VTI1A: variants seen among roughly 807,000 people sequenced by gnomAD.
The protein encoded by VTI1A is vesicle transport through interaction with t-SNAREs 1A, also known as vesicle transport through interaction with t-SNAREs homolog 1A.
Under a neutral mutation model 34.9 loss-of-function variants are expected in VTI1A, and 22 were observed. The observed-to-expected ratio is 0.63, with a 90% CI of 0.45 to 0.90. The LOEUF is 0.90. VTI1A is among the 40% of genes least tolerant of loss of function. VTI1A has a pLI of 0.00. For synonymous variants in VTI1A, 87 were observed against 97.3 expected (o/e 0.89, Z 0.62); for missense variants, 268 against 275.6 (o/e 0.97, Z 0.20).
intron 3 of VTI1A, among the ~76,000 whole-genome samples, chr10:112,520,482 T>C: frequency 6.6e-6 from 1 of 152,024 alleles, no homozygotes; most frequent in Non-Finnish European, 1.5e-5. Context: ...ACATAATTTC[T>C]GGGATCTCTG....
At chr10:112,697,374 A>ATTTTCTTTTCTTTTC (rs540161393) in intron 7 of VTI1A, among the ~76,000 whole-genome samples, 10 of 120,752 alleles carry the variant, frequency 8.3e-5, no homozygotes, top group African/African-American at 3.0e-4. Flanking sequence ...TGTTCTTGGT[A>ATTTTCTTTTCTTTTC]TTTTCTTTTC....
chr10:112,649,145 G>A (rs924822896), intron 5 of VTI1A, among the ~76,000 whole-genome samples: 7 of 151,978 alleles, frequency 4.6e-5, no homozygotes, highest in East Asian at 1.9e-4. Flanking sequence ...GTCAGGGCAC[G>A]CACAATGAAT....
chr10:112,472,998 G>A (rs906858553), intron 3 of VTI1A, among the ~76,000 whole-genome samples: 12 of 149,236 alleles, frequency 8.0e-5, no homozygotes, highest in African/African-American at 2.9e-4. Flanking sequence ...AAAATCACCA[G>A]TAGCCCTATT....
chr10:112,493,185 C>T (rs1848895833), intron 3 of VTI1A, among the ~76,000 whole-genome samples: 2 of 152,112 alleles, frequency 1.3e-5, no homozygotes, highest in East Asian at 3.8e-4. Flanking sequence ...TCTTGTACCT[C>T]TTTTGTGAAA....
At chr10:112,685,297 C>T (rs1184194560) in intron 7 of VTI1A, among the ~76,000 whole-genome samples, 1 of 152,134 alleles carries the variant, frequency 6.6e-6, no homozygotes, top group Non-Finnish European at 1.5e-5. Context: ...ACCTCTGTAT[C>T]TCTTATGTTT....
chr10:112,750,557 GA>G lies in VTI1A; in HGVS notation c.561-64730del, dbSNP rs1436352323. Reference sequence around the variant, plus strand: ...TGTCTTGTGCAACACTCTAATGGCAGAAAGGGCTTTAGAGTTTCAACTTAAG... The same window carrying G: ...TGTCTTGTGCAACACTCTAATGGCAGAAGGGCTTTAGAGTTTCAACTTAAG... On this transcript the variant is annotated intron_variant, in intron 7 of 7. Coordinates refer to ENST00000393077, the MANE Select transcript of VTI1A (RefSeq NM_145206.4). Among the ~76,000 whole-genome samples, 3 of 152,224 alleles carry G rather than the reference GA, an allele frequency of 2.0e-5. No homozygotes were observed. In the East Asian group the frequency reaches 5.8e-4, roughly 29 times the overall value.
At chr10:112,494,209 TTC>T (rs1267812069) in intron 3 of VTI1A, among the ~76,000 whole-genome samples, 1 of 152,160 alleles carries the variant, frequency 6.6e-6, no homozygotes, top group African/African-American at 2.4e-5. Flanking sequence ...TTCATCTAAG[TTC>T]TCTGATTTAT....
At chr10:112,663,312 G>A (rs180706846) in intron 5 of VTI1A, among the ~76,000 whole-genome samples, 224 of 152,268 alleles carry the variant, frequency 1.5e-3, no homozygotes, top group Non-Finnish European at 2.4e-3. Context: ...ATCGAAGTTG[G>A]TATCAAAGTT....
At chr10:112,776,865 A>G (rs1216915334) in intron 7 of VTI1A, among the ~76,000 whole-genome samples, 1 of 151,884 alleles carries the variant, frequency 6.6e-6, no homozygotes, top group African/African-American at 2.4e-5. Flanking sequence ...TTTAGTATAG[A>G]CGGGGTTTCA....
intron 7 of VTI1A, among the ~76,000 whole-genome samples, chr10:112,803,229 C>T (rs566072478): frequency 6.6e-6 from 1 of 152,192 alleles, no homozygotes; most frequent in South Asian, 2.1e-4. Context: ...CCACCATGCC[C>T]GGCTAATTTT....
chr10:112,450,616 G>A (rs758564527), intron 1 of VTI1A: 1 of 152,160 alleles, frequency 6.6e-6, no homozygotes, highest in African/African-American at 2.4e-5. Flanking sequence ...ATGTATTAAA[G>A]TATTGCTTCC....
rs1017395378 is a variant in VTI1A at position 112,730,119 on chromosome 10, T to C, written c.560+61121T>C. On this transcript the variant is annotated intron_variant, in intron 7 of 7. Coordinates refer to ENST00000393077, the MANE Select transcript of VTI1A (RefSeq NM_145206.4). Reference sequence around the variant, plus strand: ...GCTGGAAAATTATGCTGGCCTTTTGTACAAGTCATGTTAAGCTCCTTCAAA... The same window carrying C: ...GCTGGAAAATTATGCTGGCCTTTTGCACAAGTCATGTTAAGCTCCTTCAAA... Among the ~76,000 whole-genome samples the C allele has an allele frequency of 2.0e-5, 3 of 152,352 alleles. No homozygotes were observed. The East Asian group carries it at 5.8e-4, about 29-fold the overall frequency.
intron 3 of VTI1A, among the ~76,000 whole-genome samples, chr10:112,486,087 A>G (rs1848615625): frequency 1.3e-5 from 2 of 152,192 alleles, no homozygotes; most frequent in South Asian, 2.1e-4. Context: ...CACATATTTT[A>G]TGTTAAAACA....
intron 7 of VTI1A, among the ~76,000 whole-genome samples, chr10:112,812,193 A>T (rs766806137): frequency 9.2e-5 from 14 of 152,198 alleles, no homozygotes; most frequent in Admixed American, 5.9e-4. Context: ...TGGCTGTTTC[A>T]ATGGATGTCT....
At chr10:112,730,305 G>C (rs1850202658) in intron 7 of VTI1A, among the ~76,000 whole-genome samples, 1 of 152,136 alleles carries the variant, frequency 6.6e-6, no homozygotes, top group Non-Finnish European at 1.5e-5. Flanking sequence ...ATTTCTCCTG[G>C]TGAGAATGTG....
chr10:112,587,791 T>A (rs77728954), intron 5 of VTI1A, among the ~76,000 whole-genome samples: 262 of 152,238 alleles, frequency 1.7e-3, no homozygotes, highest in Middle Eastern at 0.01. Context: ...CCCCTCAGTA[T>A]TAGGGGAGAA....
chr10:112,774,134 G>C (rs894363143), intron 7 of VTI1A, among the ~76,000 whole-genome samples: 1 of 152,206 alleles, frequency 6.6e-6, no homozygotes, highest in Non-Finnish European at 1.5e-5. Flanking sequence ...GGAATGTTTC[G>C]ATGTGGAGGG....
At chr10:112,693,680 G>A (rs1251231231) in intron 7 of VTI1A, among the ~76,000 whole-genome samples, 1 of 152,160 alleles carries the variant, frequency 6.6e-6, no homozygotes, top group Non-Finnish European at 1.5e-5. Context: ...TTGAACAAAA[G>A]CAGTGATCAA....
At chr10:112,668,873 T>G (rs1847743279) in intron 6 of VTI1A, 64 bp from the exon 7 acceptor site, 2 of 1,515,814 alleles carry the variant, frequency 1.3e-6, no homozygotes, top group Admixed American at 1.8e-5. Context: ...AATTGTCGCT[T>G]GCCATGCACT....
Sources: allele counts gnomAD v4.1 joint callset (sites outside exome capture counted in the v4.1 genomes callset), GRCh38; gene constraint gnomAD v4.1.1; transcripts MANE v1.5; gene names NCBI Gene and HGNC (gene_info 2026-07-23, HGNC 2026-07-21).